SULT1C3: variants seen among roughly 807,000 people sequenced by gnomAD.
The protein encoded by SULT1C3 is sulfotransferase 1C3.
A neutral mutation model predicts 28.4 loss-of-function variants in SULT1C3; 31 were observed. That is an observed-to-expected ratio of 1.09 (90% CI 0.82 to 1.47). The LOEUF is 1.47. Ranked by LOEUF, SULT1C3 falls within the 40% of genes most tolerant of loss-of-function variation. The pLI is 0.00. For synonymous variants in SULT1C3, 106 were observed against 92.2 expected (o/e 1.15, Z -0.86); for missense variants, 307 against 272.5 (o/e 1.13, Z -0.89).
In SULT1C3 at chr2:108,247,277, C is replaced by T. The variant is rs375856012; in HGVS notation, c.83C>T (p.Thr28Met). ...FNIMEVDGVPTLILSKEWWEK... is the reference protein window; with the variant it reads ...FNIMEVDGVPMLILSKEWWEK... The stretch of plus-strand genomic sequence containing the variant: ...ATCATGGAAGTAGATGGAGTCCCTA[C>T]GTTGATATTATCAAAAGAATGGTGG... Residue 28 changes from threonine to methionine, a missense_variant, in exon 2 of 8, where the codon ACG becomes ATG. Transcript: ENST00000681802. 2.5e-6 allele frequency: 4 copies of T among 1,596,008 alleles called. No homozygotes were observed. The African/African-American group carries it at 4.0e-5, about 16-fold the overall frequency.
intron 3 of SULT1C3, among the ~76,000 whole-genome samples, chr2:108,252,845 C>A (rs1675765513): frequency 6.6e-6 from 1 of 151,910 alleles, no homozygotes; most frequent in African/African-American, 2.4e-5. Flanking sequence ...GGTGTGATTT[C>A]TGAAGAAAAA....
At chr2:108,245,691 C>T (rs993846661) in intron 1 of SULT1C3, among the ~76,000 whole-genome samples, 18 of 152,200 alleles carry the variant, frequency 1.2e-4, no homozygotes, top group African/African-American at 3.6e-4. Flanking sequence ...CCCAGGCTTC[C>T]GGGCCTGTGA....
rs1675862410 is a variant in SULT1C3, at chr2:108,256,151, C to T, written c.526+453C>T. On this transcript the variant is annotated intron_variant, in intron 5 of 7. Coordinates refer to ENST00000681802, the MANE Select transcript of SULT1C3 (RefSeq NM_001320878.2). Reference sequence around the variant, plus strand: ...CAGTGCACAATCTTAGACCTGTTCACCTGCAGGAACCTCACATTAGAATTA... The same window carrying T: ...CAGTGCACAATCTTAGACCTGTTCATCTGCAGGAACCTCACATTAGAATTA... Among the ~76,000 whole-genome samples the T allele has an allele frequency of 2.0e-5, 3 of 152,000 alleles. No homozygotes were observed. The South Asian group carries it at 6.2e-4, about 32-fold the overall frequency.
intron 4 of SULT1C3, among the ~76,000 whole-genome samples, chr2:108,254,747 A>ATATATGTATGTATATATGTATGTATG (rs1558664858): frequency 1.6e-5 from 2 of 122,476 alleles, no homozygotes; most frequent in African/African-American, 7.9e-5. Flanking sequence ...ATGTATGCAT[A>ATATATGTATGTATATATGTATGTATG]CATATGTATG....
At chr2:108,250,551 C>T (rs188326958) in intron 2 of SULT1C3, among the ~76,000 whole-genome samples, 1 of 150,826 alleles carries the variant, frequency 6.6e-6, no homozygotes, top group Admixed American at 6.6e-5. Context: ...CCTAGAGATT[C>T]ACCCCCACCC....
At chr2:108,248,017 G>A (rs1238365815) in intron 2 of SULT1C3, among the ~76,000 whole-genome samples, 1 of 152,058 alleles carries the variant, frequency 6.6e-6, no homozygotes, top group Non-Finnish European at 1.5e-5. Context: ...CCCACTCTTG[G>A]GAATAGAATA....
chr2:108,255,951 C>T (rs1370391708), intron 5 of SULT1C3, among the ~76,000 whole-genome samples: 1 of 151,966 alleles, frequency 6.6e-6, no homozygotes, highest in Non-Finnish European at 1.5e-5. Flanking sequence ...GAGTTTCAAA[C>T]AATCAACTTC....
intron 2 of SULT1C3, among the ~76,000 whole-genome samples, chr2:108,252,147 T>TAAGA (rs376793406): frequency 6.7e-6 from 1 of 148,968 alleles, no homozygotes; most frequent in African/African-American, 2.5e-5. Flanking sequence ...AGATGATAGA[T>TAAGA]TAGATAGATA....
chr2:108,257,184 G>A (rs1208483369), intron 5 of SULT1C3, among the ~76,000 whole-genome samples: 1 of 151,780 alleles, frequency 6.6e-6, no homozygotes, highest in Non-Finnish European at 1.5e-5. Flanking sequence ...TTAATAATAT[G>A]GGTGGTCTTT....
At chr2:108,243,204 C>G (rs1023760635) in intron 1 of SULT1C3, among the ~76,000 whole-genome samples, 3 of 152,128 alleles carry the variant, frequency 2.0e-5, no homozygotes, top group African/African-American at 2.4e-5. Context: ...GACATCTGAC[C>G]CAAACAGCTC....
rs540875816 is a variant in SULT1C3, at chr2:108,260,656, A to G, written c.891A>G (p.Thr297=). The G allele has an allele frequency of 2.3e-4, 108 of 476,876 alleles. No individual in the cohort carries two copies. Among genetic ancestry groups the G allele is most frequent in the African/African-American group, 2.0e-3 (101 of 51,248 alleles). The allele number at this position is 476,876 out of a possible 1,614,324, so 29.5% of individuals were successfully genotyped here. The change falls in exon 8 of 8, where the codon ACA becomes ACG. Residue 297 remains threonine, a synonymous_variant. Transcript: ENST00000681802. ...ATGAAAAGAAGATGGCAGGGTCCAC[A>G]CTGAACTTCTGCCTGGAGATCTGAG... is the stretch of plus-strand genomic sequence containing the variant. The part of the protein sequence containing the change: ...KHYEKKMAGS[T]LNFCLEI
At chr2:108,265,258 G>A (rs1676108211), downstream of SULT1C3, 1 of 1,613,644 alleles carries the variant, frequency 6.2e-7, no homozygotes, top group South Asian at 1.1e-5. Flanking sequence ...GAGACTGGAA[G>A]AACTATTTTA....
At chr2:108,242,807 T>A (rs1675494867) in intron 1 of SULT1C3, among the ~76,000 whole-genome samples, 1 of 151,998 alleles carries the variant, frequency 6.6e-6, no homozygotes, top group African/African-American at 2.4e-5. Flanking sequence ...TCCCAAGGAG[T>A]CCCATGCTAC....
At position 108,247,363 on chromosome 2, in the gene SULT1C3, TC is replaced by T. The variant is rs2104384419; in HGVS notation, c.170del (p.Ser57Ter). ...TCTTATTCTGGCAACTTACCCAAAG[TC>T]AGGTAAGGGTAGCAAAACATAAAAA... is the stretch of plus-strand genomic sequence containing the variant. ...DDLILATYPK[S>X]GTTWMHEILD... On this transcript the variant is annotated frameshift_variant and splice_region_variant, in exon 2 of 8. Coordinates refer to ENST00000681802, the MANE Select transcript of SULT1C3 (RefSeq NM_001320878.2). LOFTEE classifies it high-confidence loss of function. 1 of 1,549,790 alleles carries T rather than the reference TC, an allele frequency of 6.5e-7. No homozygotes were observed. Among genetic ancestry groups the T allele is most frequent in the East Asian group, 2.3e-5 (1 of 43,206 alleles).
At chr2:108,262,064 C>T (rs1200287320), downstream of SULT1C3, among the ~76,000 whole-genome samples, 1 of 152,136 alleles carries the variant, frequency 6.6e-6, no homozygotes, top group African/African-American at 2.4e-5. Context: ...CCAGATAACC[C>T]AACCACCTGA....
chr2:108,241,333 A>G (rs978664183), intron 1 of SULT1C3, among the ~76,000 whole-genome samples: 11 of 152,266 alleles, frequency 7.2e-5, no homozygotes, highest in African/African-American at 2.7e-4. Flanking sequence ...AGTTAAGAGT[A>G]CTCATAGATA....
chr2:108,243,016 T>C (rs1436553804), intron 1 of SULT1C3, among the ~76,000 whole-genome samples: 2 of 152,246 alleles, frequency 1.3e-5, no homozygotes, highest in Non-Finnish European at 1.5e-5. Flanking sequence ...TACTCGACTT[T>C]AGCCATGCCA....
At position 108,260,054 on chromosome 2, in the gene SULT1C3, G is replaced by A. The variant is rs540878529; in HGVS notation, c.803-514G>A. Among the ~76,000 whole-genome samples, 3 of 152,132 alleles carry A rather than the reference G, an allele frequency of 2.0e-5. 1 individual carries two copies. The South Asian group carries it at 6.2e-4, about 32-fold the overall frequency. Reference sequence around the variant, plus strand: ...GATAACTTAGAGAAACAATTCATTAGTACAGCATTTGTTGGGCTGACAAGG... The same window carrying A: ...GATAACTTAGAGAAACAATTCATTAATACAGCATTTGTTGGGCTGACAAGG... On this transcript the variant is annotated intron_variant, in intron 7 of 7. Transcript: ENST00000681802.
At chr2:108,250,286 A>G (rs1019995231) in intron 2 of SULT1C3, among the ~76,000 whole-genome samples, 2 of 152,036 alleles carry the variant, frequency 1.3e-5, no homozygotes, top group Non-Finnish European at 2.9e-5. Context: ...TATCACCAAA[A>G]AAGCTTTACT....
Sources: allele counts gnomAD v4.1 joint callset (sites outside exome capture counted in the v4.1 genomes callset), GRCh38; gene constraint gnomAD v4.1.1; transcripts MANE v1.5; gene names NCBI Gene and HGNC (gene_info 2026-07-23, HGNC 2026-07-21).